Variants in AUTS2 observed in about 807,000 individuals in gnomAD.
AUTS2 encodes the protein autism susceptibility gene 2 protein.
AUTS2 carries 17 observed loss-of-function variants against 112.4 expected under a neutral mutation model. The ratio of observed to expected loss-of-function variants is 0.15; its 90% CI spans 0.10 to 0.23. The LOEUF (loss-of-function observed/expected upper bound fraction) is 0.23, where lower values mean the gene tolerates loss of function less well. AUTS2 is among the 10% of genes least tolerant of loss of function. The probability of loss-of-function intolerance (pLI) is 1.00; values close to 1 mark genes in which losing one functional copy is unlikely to be tolerated. For missense variants in AUTS2, 1,510 were observed against 1,701.6 expected, an observed-to-expected ratio of 0.89 and a Z score of 1.98; for synonymous variants, 751 against 702.7, an observed-to-expected ratio of 1.07 and a Z score of -1.09.
At chr7:70,354,406 G>A (rs1227070163) in intron 4 of AUTS2, among the ~76,000 whole-genome samples, 1 of 152,178 alleles carries the variant, frequency 6.6e-6, no homozygotes, top group East Asian at 1.9e-4. Context: ...AAAAATAATA[G>A]TACAAGTTCC....
chr7:69,651,710 A>G (rs557002255), intron 1 of AUTS2, among the ~76,000 whole-genome samples: 1 of 152,356 alleles, frequency 6.6e-6, no homozygotes, highest in South Asian at 2.1e-4. Context: ...CATGGTTTCT[A>G]TTCTGTGGAT....
chr7:70,195,482 A>T (rs942626763), intron 4 of AUTS2, among the ~76,000 whole-genome samples: 3 of 152,138 alleles, frequency 2.0e-5, no homozygotes, highest in African/African-American at 7.2e-5. Flanking sequence ...CCCTGTCTCT[A>T]CTAAAAATAC....
chr7:70,091,540 C>T (rs955438875), intron 2 of AUTS2, among the ~76,000 whole-genome samples: 5 of 152,072 alleles, frequency 3.3e-5, no homozygotes, highest in African/African-American at 4.8e-5. Flanking sequence ...AATCAAGTCT[C>T]GACACTTGGA....
chr7:70,573,255 C>A (rs1451060958), intron 5 of AUTS2, among the ~76,000 whole-genome samples: 1 of 152,120 alleles, frequency 6.6e-6, no homozygotes, highest in Non-Finnish European at 1.5e-5. Flanking sequence ...TTCACTGGTC[C>A]CCGGAGGTGG....
chr7:70,614,428 C>T (rs1804248511), intron 5 of AUTS2, among the ~76,000 whole-genome samples: 1 of 152,122 alleles, frequency 6.6e-6, no homozygotes, highest in African/African-American at 2.4e-5. Flanking sequence ...TTTAGTTTCT[C>T]TTCTGTAATT....
At chr7:70,043,504 C>A (rs983592334) in intron 2 of AUTS2, among the ~76,000 whole-genome samples, 2 of 151,698 alleles carry the variant, frequency 1.3e-5, no homozygotes, top group African/African-American at 4.8e-5. Flanking sequence ...TGCTCTCTCC[C>A]GTTTGCATTT....
At chr7:69,942,080 T>C (rs1480915800) in intron 2 of AUTS2, among the ~76,000 whole-genome samples, 3 of 152,212 alleles carry the variant, frequency 2.0e-5, no homozygotes, top group African/African-American at 7.2e-5. Context: ...ATGGTCATAT[T>C]GCACTTCAGA....
At chr7:69,948,024 G>T (rs990301534) in intron 2 of AUTS2, among the ~76,000 whole-genome samples, 1 of 152,104 alleles carries the variant, frequency 6.6e-6, no homozygotes, top group South Asian at 2.1e-4. Flanking sequence ...ATTATTTCGC[G>T]AAGTCCTATG....
chr7:70,537,810 G>A (rs1563025503), intron 5 of AUTS2, among the ~76,000 whole-genome samples: 1 of 152,190 alleles, frequency 6.6e-6, no homozygotes. Context: ...AAGAGGAGCA[G>A]AAATGGAAGT....
chr7:69,831,806 T>G lies in AUTS2; in HGVS notation c.310-67480T>G, dbSNP rs139543581. On this transcript the variant is annotated intron_variant, in intron 1 of 18. Transcript: ENST00000342771. ...CAATTGCACCCTAATTCTTCTCCCTTAGGATATTGAGAGAGTGAGGTGTAG... is the reference window on the plus strand; with the variant it reads ...CAATTGCACCCTAATTCTTCTCCCTGAGGATATTGAGAGAGTGAGGTGTAG... Among the ~76,000 whole-genome samples, 27 of 152,202 alleles carry G rather than the reference T, an allele frequency of 1.8e-4. No homozygotes were observed. In the East Asian group the frequency reaches 4.1e-3, roughly 23 times the overall value.
intron 2 of AUTS2, among the ~76,000 whole-genome samples, chr7:69,986,568 T>A (rs1798523859): frequency 6.6e-6 from 1 of 152,234 alleles, no homozygotes; most frequent in African/African-American, 2.4e-5. Flanking sequence ...AAGGCCACTG[T>A]AAACTTTCCA....
chr7:70,381,412 AG>A (rs751067135), intron 4 of AUTS2, among the ~76,000 whole-genome samples: 2 of 152,258 alleles, frequency 1.3e-5, no homozygotes, highest in Non-Finnish European at 2.9e-5. Context: ...CTATACTTCA[AG>A]GAAAAAGTCA....
chr7:69,612,616 C>T (rs983124490), intron 1 of AUTS2, among the ~76,000 whole-genome samples: 4 of 152,104 alleles, frequency 2.6e-5, no homozygotes, highest in African/African-American at 7.2e-5. Flanking sequence ...CGTCTCACCA[C>T]GCCTGGCTAA....
chr7:69,884,189 A>G (rs1584390610), intron 1 of AUTS2, among the ~76,000 whole-genome samples: 1 of 152,252 alleles, frequency 6.6e-6, no homozygotes, highest in Non-Finnish European at 1.5e-5. Flanking sequence ...AGAATGAGTT[A>G]TGTACTTAGT....
chr7:70,729,261 C>T, intron 6 of AUTS2: 1 of 447,978 alleles, frequency 2.2e-6, no homozygotes, highest in Non-Finnish European at 4.5e-6. Flanking sequence ...GTGCTGTTCC[C>T]CACTACTCCT....
At chr7:70,278,600 T>TACAC (rs1429835321) in intron 4 of AUTS2, among the ~76,000 whole-genome samples, 1 of 150,588 alleles carries the variant, frequency 6.6e-6, no homozygotes, top group African/African-American at 2.5e-5. Context: ...CATACATACA[T>TACAC]ACATACATAC....
intron 5 of AUTS2, among the ~76,000 whole-genome samples, chr7:70,509,150 C>T (rs1477251727): frequency 6.6e-6 from 1 of 152,216 alleles, no homozygotes; most frequent in East Asian, 1.9e-4. Flanking sequence ...GCAATAAGTG[C>T]CATTACTTCA....
chr7:69,953,845 C>A (rs2129546232), intron 2 of AUTS2, among the ~76,000 whole-genome samples: 1 of 152,264 alleles, frequency 6.6e-6, no homozygotes, highest in African/African-American at 2.4e-5. Context: ...CAGCTGGAAA[C>A]AAGAGTTGTT....
chr7:70,616,822 A>G (rs1011826706), intron 5 of AUTS2, among the ~76,000 whole-genome samples: 15 of 146,532 alleles, frequency 1.0e-4, no homozygotes, highest in African/African-American at 3.6e-4. Context: ...GAATTATTAG[A>G]GAGGGAATGA....
Sources: allele counts gnomAD v4.1 joint callset (sites outside exome capture counted in the v4.1 genomes callset), GRCh38; gene constraint gnomAD v4.1.1; transcripts MANE v1.5; gene names NCBI Gene and HGNC (gene_info 2026-07-23, HGNC 2026-07-21).